Variants in UGT1A6 observed in about 807,000 individuals in gnomAD.
UGT1A6 encodes UDP glucuronosyltransferase family 1 member A6, also known as UDP-glucuronosyltransferase 1A6.
Under a neutral mutation model 44.4 loss-of-function variants are expected in UGT1A6, and 32 were observed. The ratio of observed to expected loss-of-function variants is 0.72; its 90% CI spans 0.54 to 0.97. The LOEUF (loss-of-function observed/expected upper bound fraction) is 0.97, where lower values mean the gene tolerates loss of function less well. Ranked by LOEUF, UGT1A6 falls within the 50% of genes least tolerant of loss-of-function variation. The probability of loss-of-function intolerance (pLI) is 0.00; values close to 1 mark genes in which losing one functional copy is unlikely to be tolerated. For missense variants in UGT1A6, 685 were observed against 661.9 expected (o/e 1.03, Z -0.38); for synonymous variants, 238 against 248.5 (o/e 0.96, Z 0.40).
chr2:233,719,328 G>T (rs776987422), intron 1 of UGT1A6: 1 of 1,613,970 alleles, frequency 6.2e-7, no homozygotes, highest in South Asian at 1.1e-5. Context: ...GATTCCTGCT[G>T]TGTTTTTTTG....
intron 1 of UGT1A6, chr2:233,718,998 G>A: frequency 1.9e-6 from 3 of 1,614,266 alleles, no homozygotes; most frequent in Non-Finnish European, 2.5e-6. Flanking sequence ...CCAGGCGGTG[G>A]TCCTCACCCC....
chr2:233,720,041 A>T (rs2076825366), intron 1 of UGT1A6, among the ~76,000 whole-genome samples: 1 of 152,182 alleles, frequency 6.6e-6, no homozygotes, highest in Non-Finnish European at 1.5e-5. Flanking sequence ...CCTGATTTTC[A>T]GCTGAACGGT....
At chr2:233,699,443 T>G (rs1417933041) in intron 1 of UGT1A6, among the ~76,000 whole-genome samples, 1 of 152,204 alleles carries the variant, frequency 6.6e-6, no homozygotes, top group African/African-American at 2.4e-5. Context: ...ATTGGAGTGT[T>G]TTCCTTAGAA....
chr2:233,736,616 C>T (rs1448370829), intron 1 of UGT1A6, among the ~76,000 whole-genome samples: 1 of 152,208 alleles, frequency 6.6e-6, no homozygotes, highest in Non-Finnish European at 1.5e-5. Flanking sequence ...TTAGAATTTT[C>T]AGCTTTTCTG....
intron 1 of UGT1A6, chr2:233,747,257 G>T: frequency 6.2e-7 from 1 of 1,600,080 alleles, no homozygotes; most frequent in Non-Finnish European, 8.5e-7. Context: ...CTGGCCACAG[G>T]AGTGCTACTC....
At chr2:233,761,264 T>G in intron 1 of UGT1A6, 1 of 1,597,186 alleles carries the variant, frequency 6.3e-7, no homozygotes, top group Non-Finnish European at 8.5e-7. Flanking sequence ...TAATTTAAAA[T>G]GCCCTCTTTT....
At chr2:233,750,844 C>G (rs903406800) in intron 1 of UGT1A6, 1 of 151,832 alleles carries the variant, frequency 6.6e-6, no homozygotes, top group African/African-American at 2.4e-5. Flanking sequence ...TAAGGAAATG[C>G]TTGGATGTCC....
At chr2:233,692,672 T>G (rs1295423428), upstream of UGT1A6, among the ~76,000 whole-genome samples, 1 of 152,104 alleles carries the variant, frequency 6.6e-6, no homozygotes, top group African/African-American at 2.4e-5. Context: ...GGATAGAGAA[T>G]TGGCAGGGGG....
At chr2:233,747,354 G>C (rs753872482) in intron 1 of UGT1A6, 1 of 1,602,508 alleles carries the variant, frequency 6.2e-7, no homozygotes, top group Non-Finnish European at 8.5e-7. Context: ...GCGGGAGGCC[G>C]TGCGGGAGCT....
chr2:233,734,953 A>G (rs2078590545), intron 1 of UGT1A6, among the ~76,000 whole-genome samples: 1 of 152,320 alleles, frequency 6.6e-6, no homozygotes, highest in African/African-American at 2.4e-5. Context: ...CAGTTTTAGA[A>G]TAAGTGTGAT....
chr2:233,692,894 G>A lies in UGT1A6; in HGVS notation c.-111G>A. ...GGGTAAAATTCAGAGCAAGGGAGAG[G>A]TAGACAGGACCTGTGAAAAGCAGTG... On this transcript the variant is annotated 5_prime_UTR_variant, in exon 1 of 5. Transcript: ENST00000305139. 6.5e-7 allele frequency: 1 copy of A among 1,528,362 alleles called. No individual in the cohort carries two copies. 94.7% of individuals were successfully genotyped at this position (1,528,362 alleles called of 1,614,324 possible).
In UGT1A6 at chr2:233,713,110, A is replaced by C. The variant is rs151218104; in HGVS notation, c.861+19245A>C. On this transcript the variant is annotated intron_variant, in intron 1 of 4. Transcript: ENST00000305139. ...CTGGTGGTGCCCACTGATGGCAGCC[A>C]CTGGCTCAGCATGCGGGAGGCCTTG... 3.3e-5 allele frequency: 53 copies of C among 1,614,090 alleles called. No individual in the cohort carries two copies. In the African/African-American group the frequency reaches 3.6e-4, roughly 11 times the overall value.
At chr2:233,740,990 G>A (rs1192365077) in intron 1 of UGT1A6, 1 of 151,728 alleles carries the variant, frequency 6.6e-6, no homozygotes, top group East Asian at 1.9e-4. Context: ...GGAATGCTGA[G>A]GAGGAAGGAT....
intron 1 of UGT1A6, among the ~76,000 whole-genome samples, chr2:233,724,340 A>G (rs1575552395): frequency 1.9e-5 from 2 of 104,210 alleles, no homozygotes; most frequent in Admixed American, 9.6e-5. Context: ...CGGGGGGCTG[A>G]CCCCCCCCAC....
Position 233,693,012 on chromosome 2 carries a change from G to T in UGT1A6, c.8G>T (p.Cys3Phe). 6.2e-7 allele frequency: 1 copy of T among 1,614,130 alleles called. No homozygotes were observed. Among genetic ancestry groups the T allele is most frequent in the Non-Finnish European group, 8.5e-7 (1 of 1,180,026 alleles). The change falls in exon 1 of 5, where the codon TGC becomes TTC. Residue 3 changes from cysteine to phenylalanine, a missense_variant. Physicochemically the swap from Cys to Phe is radical, Grantham distance 205 (BLOSUM62 -2). Transcript: ENST00000305139. Reference sequence around the variant, plus strand: ...ACTTTAACTCTTTCCAGGATGGCCTGCCTCCTTCGCTCATTTCAGAGAATT... The same window carrying T: ...ACTTTAACTCTTTCCAGGATGGCCTTCCTCCTTCGCTCATTTCAGAGAATT... MA[C>F]LLRSFQRISA...
chr2:233,713,814 T>C (rs1262526604), intron 1 of UGT1A6: 1 of 1,614,102 alleles, frequency 6.2e-7, no homozygotes, highest in South Asian at 1.1e-5. Flanking sequence ...CAACATGGTC[T>C]TCATTGGGGG....
intron 1 of UGT1A6, among the ~76,000 whole-genome samples, chr2:233,766,276 C>T (rs1021162182): frequency 2.0e-5 from 3 of 151,848 alleles, no homozygotes; most frequent in Non-Finnish European, 2.9e-5. Flanking sequence ...GGCTCGGTGG[C>T]CCGGGCTCGG....
Position 233,729,669 on chromosome 2 carries a change from C to G in UGT1A6, c.861+35804C>G, listed in dbSNP as rs1433524187. ...TGAGGAACATTCCATGTGATTTAGA[C>G]TTTAAGGGCACACAGTGTCCAAACC... On this transcript the variant is annotated intron_variant, in intron 1 of 4. Coordinates refer to ENST00000305139, the MANE Select transcript of UGT1A6 (RefSeq NM_001072.4). 47 of 1,613,792 alleles carry G rather than the reference C, an allele frequency of 2.9e-5. No individual in the cohort carries two copies. Among genetic ancestry groups the G allele is most frequent in the Non-Finnish European group, 3.7e-5 (44 of 1,179,864 alleles).
At chr2:233,697,702 C>T (rs971545234) in intron 1 of UGT1A6, among the ~76,000 whole-genome samples, 6 of 151,892 alleles carry the variant, frequency 4.0e-5, no homozygotes, top group Non-Finnish European at 4.4e-5. Context: ...TGGATGTAGG[C>T]ATTTATTGTT....
Sources: gnomAD v4.1 joint callset for allele counts (sites outside exome capture counted in the v4.1 genomes callset) on GRCh38, gnomAD v4.1.1 for gene constraint, MANE v1.5 for transcripts, NCBI Gene and HGNC (gene_info 2026-07-23, HGNC 2026-07-21) for gene names.